Variants in ERI1 observed in about 807,000 individuals in gnomAD.
The protein encoded by ERI1 is exoribonuclease 1.
A neutral mutation model predicts 39.7 loss-of-function variants in ERI1; 39 were observed. The ratio of observed to expected loss-of-function variants is 0.98; its 90% CI spans 0.76 to 1.28. The LOEUF is 1.28. ERI1 is among the 50% of genes most tolerant of loss of function. The pLI, the probability that ERI1 is intolerant of heterozygous loss-of-function variation, is 0.00. For missense variants in ERI1, 581 were observed against 416.9 expected (o/e 1.39, Z -3.43); for synonymous variants, 204 against 149.6 (o/e 1.36, Z -2.65).
intron 3 of ERI1, among the ~76,000 whole-genome samples, chr8:9,054,787 C>T (rs7012302): frequency 0.14 from 21,551 of 152,164 alleles, 1,681 homozygotes; most frequent in African/African-American, 0.18. Flanking sequence ...TAGCCAGGCG[C>T]AGTGGCGGCA....
At chr8:9,066,614 G>A (rs1463933051) in intron 3 of ERI1, among the ~76,000 whole-genome samples, 1 of 152,148 alleles carries the variant, frequency 6.6e-6, no homozygotes, top group African/African-American at 2.4e-5. Context: ...AGGACATTTT[G>A]TTATTCAAGG....
At chr8:9,008,952 TATTA>T (rs1254740433) in intron 2 of ERI1, 3 of 454,184 alleles carry the variant, frequency 6.6e-6, no homozygotes, top group South Asian at 1.6e-5. Context: ...AGCACAAATT[TATTA>T]ATTTCTAGAT....
At position 9,095,164 on chromosome 8, in the gene ERI1, G is replaced by C. The variant is rs141850760; in HGVS notation, n.300-21184G>C. Among the ~76,000 whole-genome samples the C allele has an allele frequency of 2.7e-3, 406 of 152,282 alleles. 5 individuals carry two copies. The highest frequency in any genetic ancestry group is 9.2e-3 in the African/African-American group (384 of 41,558). The stretch of plus-strand genomic sequence containing the variant: ...GCATGAGAGCATCTGGCACGCTGTA[G>C]GGCTTCATGAGTGCTACCTCTTTGA... On this transcript the variant is annotated intron_variant and non_coding_transcript_variant, in intron 3 of 3. Coordinates refer to the ERI1 transcript ENST00000518663.
intron 3 of ERI1, among the ~76,000 whole-genome samples, chr8:9,071,623 C>T (rs7829113): frequency 0.37 from 55,778 of 151,892 alleles, 10,934 homozygotes; most frequent in Non-Finnish European, 0.45. Context: ...CTTGGTAACC[C>T]ATTCTACAGG....
rs746983669 is a variant in ERI1, at chr8:9,030,074, A to G, written c.*40A>G. 18 of 1,605,198 alleles carry G rather than the reference A, an allele frequency of 1.1e-5. No homozygotes were observed. Among genetic ancestry groups the G allele is most frequent in the East Asian group, 2.2e-5 (1 of 44,652 alleles). ...GTGGATCATTCCAATTGAAGTTGCT[A>G]TGAAGAGGTAGCAGATGAATCTCAT... is the stretch of plus-strand genomic sequence containing the variant. On this transcript the variant is annotated 3_prime_UTR_variant, in exon 7 of 7. Transcript: ENST00000250263.
chr8:9,050,427 A>T (rs1370657438), intron 3 of ERI1, among the ~76,000 whole-genome samples: 1 of 151,704 alleles, frequency 6.6e-6, no homozygotes, highest in African/African-American at 2.4e-5. Flanking sequence ...GAATCACTTG[A>T]ACCTAGGAAG....
intron 3 of ERI1, among the ~76,000 whole-genome samples, chr8:9,097,321 G>A (rs1799907877): frequency 6.6e-6 from 1 of 152,024 alleles, no homozygotes; most frequent in African/African-American, 2.4e-5. Context: ...ATTTGGTACT[G>A]GGGACCCAGT....
intron 3 of ERI1, among the ~76,000 whole-genome samples, chr8:9,093,459 A>G (rs969843391): frequency 1.3e-5 from 2 of 150,600 alleles, no homozygotes; most frequent in Non-Finnish European, 3.0e-5. Context: ...ACACAGGTAT[A>G]TGCATACACC....
At chr8:9,025,814 G>C (rs1262238155) in intron 6 of ERI1, among the ~76,000 whole-genome samples, 3 of 151,678 alleles carry the variant, frequency 2.0e-5, no homozygotes, top group Non-Finnish European at 4.4e-5. Context: ...GTTTTTTTCA[G>C]ATTTTGGAAT....
intron 2 of ERI1, among the ~76,000 whole-genome samples, chr8:9,010,344 A>G: frequency 6.6e-6 from 1 of 152,208 alleles, no homozygotes; most frequent in Admixed American, 6.5e-5. Context: ...AAAGAAAGTA[A>G]TCCAAAGCTG....
At chr8:9,072,734 C>T (rs1265443959) in intron 3 of ERI1, among the ~76,000 whole-genome samples, 1 of 152,192 alleles carries the variant, frequency 6.6e-6, no homozygotes, top group East Asian at 1.9e-4. Flanking sequence ...TTCATCTTGA[C>T]ATGTGCTCTG....
At position 9,016,637 on chromosome 8, in the gene ERI1, C is replaced by T. The variant is rs148557241; in HGVS notation, c.582+232C>T. ...GTTGTAGTGGTGAATCGAAAGATTT[C>T]GTCTGTAAAATGCATCAGCAAATTG... On this transcript the variant is annotated intron_variant, in intron 4 of 6. Transcript: ENST00000250263. Among the ~76,000 whole-genome samples, 330 of 151,212 alleles carry T rather than the reference C, an allele frequency of 2.2e-3. 3 individuals are homozygous for T. Among genetic ancestry groups the T allele is most frequent in the African/African-American group, 7.6e-3 (313 of 41,240 alleles).
At chr8:9,008,592 AAAT>A (rs1285609340) in intron 2 of ERI1, among the ~76,000 whole-genome samples, 8 of 152,264 alleles carry the variant, frequency 5.3e-5, no homozygotes, top group Non-Finnish European at 1.0e-4. Flanking sequence ...AATTTCTAAA[AAAT>A]AATCTACAAT....
At chr8:9,063,606 C>A (rs529724775) in intron 3 of ERI1, among the ~76,000 whole-genome samples, 1 of 151,714 alleles carries the variant, frequency 6.6e-6, no homozygotes, top group African/African-American at 2.4e-5. Flanking sequence ...AGGGGACAGG[C>A]GGGAGGGAAA....
intron 3 of ERI1, among the ~76,000 whole-genome samples, chr8:9,039,558 A>G (rs1183775866): frequency 6.6e-6 from 1 of 152,224 alleles, no homozygotes; most frequent in African/African-American, 2.4e-5. Context: ...AGTCGCAGTC[A>G]TCTGTGGCAA....
intron 2 of ERI1, among the ~76,000 whole-genome samples, chr8:9,009,837 A>G (rs1339718278): frequency 6.6e-6 from 1 of 152,222 alleles, no homozygotes; most frequent in Non-Finnish European, 1.5e-5. Flanking sequence ...GGTTGAGGCC[A>G]TGGCTTATAG....
At chr8:9,007,791 A>C (rs941527094) in intron 1 of ERI1, among the ~76,000 whole-genome samples, 179 bp from the exon 2 acceptor site, 1 of 152,162 alleles carries the variant, frequency 6.6e-6, no homozygotes, top group Non-Finnish European at 1.5e-5. Flanking sequence ...ATTGTATTGG[A>C]GACGCATCTT....
chr8:9,026,786 C>A (rs1227089125), intron 6 of ERI1, among the ~76,000 whole-genome samples: 2 of 151,778 alleles, frequency 1.3e-5, no homozygotes, highest in Non-Finnish European at 2.9e-5. Flanking sequence ...ATTTCAAAAT[C>A]CAAAAAATTT....
intron 3 of ERI1, among the ~76,000 whole-genome samples, chr8:9,058,736 G>A (rs1168559667): frequency 6.6e-6 from 1 of 151,768 alleles, no homozygotes; most frequent in Non-Finnish European, 1.5e-5. Flanking sequence ...GTTGTTGTTA[G>A]AACAACTCAG....
Sources: gnomAD v4.1 joint callset for allele counts (sites outside exome capture counted in the v4.1 genomes callset) on GRCh38, gnomAD v4.1.1 for gene constraint, MANE v1.5 for transcripts, NCBI Gene and HGNC (gene_info 2026-07-23, HGNC 2026-07-21) for gene names.